The following SP1 variants were observed in gnomAD, a reference collection of about 807,000 sequenced individuals.
SP1 encodes transcription factor Sp1.
In SP1, 6 loss-of-function variants were observed where a neutral mutation model predicts 66.3. The observed-to-expected ratio is 0.09, with a 90% CI of 0.05 to 0.18. The LOEUF is 0.18. Ranked by LOEUF, SP1 falls within the 10% of genes least tolerant of loss-of-function variation. The pLI is 1.00. For missense variants in SP1, 848 were observed against 964.5 expected, an observed-to-expected ratio of 0.88 and a Z score of 1.60; for synonymous variants, 417 against 360.8, an observed-to-expected ratio of 1.16 and a Z score of -1.77.
rs779691998 is a variant in SP1, at chr12:53,382,300, C to G, written c.353C>G (p.Pro118Arg). The stretch of plus-strand genomic sequence containing the variant: ...ATCTCTTCCTCCTCTGGGGCTACCC[C>G]TACCTCAAAGGAACAGAGTGGCAGC... ...QIISSSSGATPTSKEQSGSST... is the reference protein window; with the variant it reads ...QIISSSSGATRTSKEQSGSST... Residue 118 changes from proline (P) to arginine (R), a missense_variant, in exon 3 of 6, where the codon CCT (proline) becomes CGT (arginine). Around this residue, in one of 7 missense-constraint regions of SP1, gnomAD observed 606 missense variants for 589.9 expected, o/e 1.03. Coordinates refer to ENST00000327443, the MANE Select transcript of SP1 (RefSeq NM_138473.3). The G allele has an allele frequency of 6.2e-7, 1 of 1,614,182 alleles. No homozygotes were observed. The highest frequency in any genetic ancestry group is 8.5e-7 in the Non-Finnish European group (1 of 1,180,026).
At chr12:53,385,641 G>A (rs563942753) in intron 3 of SP1, among the ~76,000 whole-genome samples, 1 of 148,354 alleles carries the variant, frequency 6.7e-6, no homozygotes, top group African/African-American at 2.5e-5. Flanking sequence ...TGGGCTGGGC[G>A]CGGTGGCTCA....
chr12:53,388,919 G>T (rs964431920), intron 3 of SP1, among the ~76,000 whole-genome samples: 2 of 150,856 alleles, frequency 1.3e-5, no homozygotes, highest in Non-Finnish European at 2.9e-5. Context: ...GGTTGAGGAC[G>T]CAGTGAGCCA....
At position 53,382,931 on chromosome 12, in the gene SP1, AACT is replaced by A. The variant is rs778954542; in HGVS notation, c.993_995del (p.Thr333del). 1.2e-5 allele frequency: 20 copies of A among 1,613,984 alleles called. No homozygotes were observed. The highest frequency in any genetic ancestry group is 1.6e-5 in the Non-Finnish European group (19 of 1,180,002). ...TTTTCACCAATGCCAATAGCTACTC[AACT>A]ACTACTACCACCAGCAACATGGGAA... is the stretch of plus-strand genomic sequence containing the variant. On this transcript the variant is annotated inframe_deletion, in exon 3 of 6. Transcript: ENST00000327443.
intron 1 of SP1, chr12:53,380,773 C>T: frequency 5.4e-6 from 3 of 552,278 alleles, no homozygotes; most frequent in Non-Finnish European, 6.9e-6. Flanking sequence ...TTTCCACGCC[C>T]CTCACCCCGA....
intron 1 of SP1, among the ~76,000 whole-genome samples, chr12:53,380,951 T>C (rs1055186202): frequency 2.9e-5 from 4 of 139,772 alleles, no homozygotes; most frequent in Non-Finnish European, 4.6e-5. Flanking sequence ...TTTGTCTTTT[T>C]TTTTTTTTTT....
chr12:53,406,829 T>A (rs1592571602), intron 4 of SP1, 76 bp downstream of exon 4: 1 of 275,170 alleles, frequency 3.6e-6, no homozygotes, highest in Admixed American at 9.7e-5. Flanking sequence ...AGAAGATTAA[T>A]TTTTTTTTTT....
Position 53,382,957 on chromosome 12 carries a change from G to T in SP1, c.1010G>T (p.Gly337Val). ...YSTTTTTSNM[G>V]IMNFTTSGSS... is the part of the protein sequence containing the mutation. ...ACTACTACTACCACCAGCAACATGG[G>T]AATTATGAACTTTACTACCAGTGGA... Residue 337 changes from glycine (G) to valine (V), a missense_variant, in exon 3 of 6, where the codon GGA becomes GTA. Around this residue, in one of 7 missense-constraint regions of SP1, gnomAD observed 606 missense variants for 589.9 expected, o/e 1.03. Coordinates refer to ENST00000327443, the MANE Select transcript of SP1 (RefSeq NM_138473.3). 6.2e-7 allele frequency: 1 copy of T among 1,614,090 alleles called. No homozygotes were observed. Among genetic ancestry groups the T allele is most frequent in the South Asian group, 1.1e-5 (1 of 91,080 alleles).
Position 53,380,249 on chromosome 12 carries a change from C to G in SP1, c.-43C>G. 6.9e-7 allele frequency: 1 copy of G among 1,452,816 alleles called. No homozygotes were observed. Among genetic ancestry groups the G allele is most frequent in the Non-Finnish European group, 9.7e-7 (1 of 1,036,022 alleles). The allele number at this position is 1,452,816 out of a possible 1,614,324, so 90.0% of individuals were successfully genotyped here. On this transcript the variant is annotated 5_prime_UTR_variant, in exon 1 of 6. Transcript: ENST00000327443. The stretch of plus-strand genomic sequence containing the variant: ...GCGTTTTTCCCGGCCCCCCCCAACC[C>G]CCCCGGACAGGACCCCCTTGAGCTT...
chr12:53,408,547 C>T (rs917095191), intron 4 of SP1, among the ~76,000 whole-genome samples: 11 of 151,528 alleles, frequency 7.3e-5, no homozygotes, highest in African/African-American at 1.5e-4. Flanking sequence ...CCACCTGCCT[C>T]GGCCTCCAAA....
intron 5 of SP1, among the ~76,000 whole-genome samples, chr12:53,410,197 C>G (rs1469749626): frequency 6.6e-6 from 1 of 151,682 alleles, no homozygotes; most frequent in South Asian, 2.1e-4. Flanking sequence ...CCCAGCTACT[C>G]AGGAGGCTGA....
In SP1 at chr12:53,383,512, A is replaced by G; in HGVS notation, c.1565A>G (p.Gln522Arg). 6.2e-7 allele frequency: 1 copy of G among 1,614,148 alleles called. No individual in the cohort carries two copies. Among genetic ancestry groups the G allele is most frequent in the South Asian group, 1.1e-5 (1 of 91,088 alleles). ...GGCACAGTCACTGTGAATGCTGCTC[A>G]ACTCTCCTCCATGCCAGGCCTCCAG... is the stretch of plus-strand genomic sequence containing the variant. ...PAGTVTVNAAQLSSMPGLQTI... is the reference protein window; with the variant it reads ...PAGTVTVNAARLSSMPGLQTI... Residue 522 changes from glutamine to arginine, a missense_variant, in exon 3 of 6, where the codon CAA becomes CGA. By Grantham distance (43) the Gln-to-Arg change is conservative. Around this residue, in one of 7 missense-constraint regions of SP1, gnomAD observed 606 missense variants for 589.9 expected, o/e 1.03. Transcript: ENST00000327443.
At chr12:53,410,304 CA>C (rs1324067623) in intron 5 of SP1, among the ~76,000 whole-genome samples, 1 of 151,212 alleles carries the variant, frequency 6.6e-6, no homozygotes, top group South Asian at 2.1e-4. Flanking sequence ...GACTCTGTCT[CA>C]AAAAAATAAA....
At chr12:53,409,218 C>A in intron 4 of SP1, 144 bp from the exon 5 acceptor site, 1 of 651,350 alleles carries the variant, frequency 1.5e-6, no homozygotes, top group Non-Finnish European at 2.6e-6. Context: ...GAGTGAGACT[C>A]TCTCAAAAAA....
At chr12:53,396,654 C>G (rs1327472061) in intron 3 of SP1, among the ~76,000 whole-genome samples, 2 of 152,178 alleles carry the variant, frequency 1.3e-5, no homozygotes, top group Non-Finnish European at 2.9e-5. Context: ...TATGCTATAG[C>G]TTTACTTAGT....
chr12:53,409,609 A>C, intron 5 of SP1, 48 bp downstream of exon 5: 4 of 1,443,806 alleles, frequency 2.8e-6, no homozygotes, highest in Non-Finnish European at 3.9e-6. Flanking sequence ...ACTAGAATGA[A>C]AAACACAAAA....
In SP1 at chr12:53,404,222, T is replaced by C. The variant is rs1489730857; in HGVS notation, c.1676-2363T>C. ...GAGAAGAATATTATCTGCCACTTTA[T>C]AAGATATTACTTTTGCGAAGAATAT... On this transcript the variant is annotated intron_variant, in intron 3 of 5. Coordinates refer to ENST00000327443, the MANE Select transcript of SP1 (RefSeq NM_138473.3). Among the ~76,000 whole-genome samples, 4 of 149,032 alleles carry C rather than the reference T, an allele frequency of 2.7e-5. No homozygotes were observed. The Admixed American group carries it at 2.7e-4, about 10-fold the overall frequency.
intron 3 of SP1, among the ~76,000 whole-genome samples, chr12:53,400,458 A>G (rs75901574): frequency 1.3e-3 from 196 of 152,278 alleles, no homozygotes; most frequent in Non-Finnish European, 2.3e-3. Flanking sequence ...TATCATGCAT[A>G]ATGCTGCTAT....
At chr12:53,408,325 C>T (rs918585826) in intron 4 of SP1, among the ~76,000 whole-genome samples, 5 of 150,632 alleles carry the variant, frequency 3.3e-5, no homozygotes, top group African/African-American at 1.2e-4. Flanking sequence ...CAACCTCCAC[C>T]TCCCAGGTTC....
At chr12:53,382,069 G>T in intron 2 of SP1, 41 bp from the exon 3 acceptor site, 1 of 1,584,830 alleles carries the variant, frequency 6.3e-7, no homozygotes. Context: ...GCTGGCAGCT[G>T]GGTGTCACTA....
Sources: allele counts gnomAD v4.1 joint callset (sites outside exome capture counted in the v4.1 genomes callset), GRCh38; gene constraint gnomAD v4.1.1; regional missense constraint gnomAD v4.1.1; transcripts MANE v1.5; gene names NCBI Gene and HGNC (gene_info 2026-07-23, HGNC 2026-07-21).